YBX1: variants seen among roughly 807,000 people sequenced by gnomAD.
YBX1 encodes the protein Y-box binding protein 1, also known as Y-box-binding protein 1.
YBX1 carries 3 observed loss-of-function variants against 41.4 expected under a neutral mutation model. The observed-to-expected ratio is 0.07, with a 90% CI of 0.03 to 0.19. The LOEUF (loss-of-function observed/expected upper bound fraction) is 0.19. Among genes scored for constraint, YBX1 ranks in the 10% least tolerant of loss-of-function variants. The pLI is 1.00. For synonymous variants in YBX1, 133 were observed against 165.8 expected, an observed-to-expected ratio of 0.80 and a Z score of 1.52; for missense variants, 274 against 462.8, an observed-to-expected ratio of 0.59 and a Z score of 3.74.
At chr1:42,693,272 C>A (rs1449326412) in intron 2 of YBX1, among the ~76,000 whole-genome samples, 1 of 144,112 alleles carries the variant, frequency 6.9e-6, no homozygotes, top group Non-Finnish European at 1.5e-5. Flanking sequence ...ATTTCTTAGA[C>A]TTTTTTTTTT....
rs1415948552 is a variant in YBX1, at chr1:42,696,646, C to T, written c.359C>T (p.Ala120Val). ...AATATGTAATGGCTTTTGTAGGGTG[C>T]GGAGGCAGCAAATGTTACAGGTCCT... ...EFDVVEGEKGAEAANVTGPGG... is the reference protein window; with the variant it reads ...EFDVVEGEKGVEAANVTGPGG... Residue 120 changes from alanine (A) to valine (V), a missense_variant, in exon 5 of 8, where the codon GCG (alanine) becomes GTG (valine). By Grantham distance (64) the Ala-to-Val change is moderately conservative. Around this residue, in one of 3 missense-constraint regions of YBX1, gnomAD observed 187 missense variants for 306.3 expected, o/e 0.61. Transcript: ENST00000321358. This position sits in a 1 kb window ranked among gnomAD's most constrained non-coding sequence, Gnocchi z 5.7. 2 of 1,572,188 alleles carry T rather than the reference C, an allele frequency of 1.3e-6. No individual in the cohort carries two copies. The highest frequency in any genetic ancestry group is 1.7e-5 in the Admixed American group (1 of 57,492).
rs141494118 is a variant in YBX1, at chr1:42,699,154, A to G, written c.741-1627A>G. Among the ~76,000 whole-genome samples, 256 of 152,228 alleles carry G rather than the reference A, an allele frequency of 1.7e-3. 3 individuals are homozygous for G. The highest frequency in any genetic ancestry group is 4.6e-3 in the East Asian group (24 of 5,184). On this transcript the variant is annotated intron_variant, in intron 6 of 7. Coordinates refer to ENST00000321358, the MANE Select transcript of YBX1 (RefSeq NM_004559.5). ...CTGCTGGAACTGTTTTCTTTCTCAG[A>G]GAGGGTAGGGTTTTGCCCACAGGTG...
At chr1:42,687,664 T>G (rs1481099611) in intron 2 of YBX1, among the ~76,000 whole-genome samples, 2 of 151,744 alleles carry the variant, frequency 1.3e-5, no homozygotes, top group Non-Finnish European at 2.9e-5. Flanking sequence ...TGAAGTGGAG[T>G]CTCTCTGTGT....
chr1:42,703,340 A>G lies in YBX1; in HGVS notation c.*1391A>G, dbSNP rs1013907730. Among the ~76,000 whole-genome samples, 4 of 152,020 alleles carry G rather than the reference A, an allele frequency of 2.6e-5. No individual in the cohort carries two copies. The highest frequency in any genetic ancestry group is 4.4e-5 in the Non-Finnish European group (3 of 68,008). ...ACACTCCAGATCATCCTGGCCAGCT[A>G]TCAGGGCCCAGGGGAAGCAGACAGT... is the stretch of plus-strand genomic sequence containing the variant. On this transcript the variant is annotated 3_prime_UTR_variant, in exon 8 of 8. Transcript: ENST00000321358.
At chr1:42,698,582 G>A (rs1460766306) in intron 6 of YBX1, among the ~76,000 whole-genome samples, 1 of 152,144 alleles carries the variant, frequency 6.6e-6, no homozygotes, top group African/African-American at 2.4e-5. Context: ...TTTCATTGAT[G>A]TCCTTAAAAA....
rs766503042 is a variant in YBX1 at position 42,696,333 on chromosome 1, A to G, written c.354+45A>G. ...AAAGGTTTGACTTCAGTATGGAAAT[A>G]TTTTGGAGGTCTCATCCATTAGGAT... On this transcript the variant is annotated intron_variant, in intron 4 of 7. Coordinates refer to ENST00000321358, the MANE Select transcript of YBX1 (RefSeq NM_004559.5). This position sits in a 1 kb window ranked among gnomAD's most constrained non-coding sequence, Gnocchi z 5.7. The G allele has an allele frequency of 6.3e-7, 1 of 1,592,314 alleles. No homozygotes were observed. Among genetic ancestry groups the G allele is most frequent in the Non-Finnish European group, 8.6e-7 (1 of 1,164,116 alleles).
Position 42,682,784 on chromosome 1 carries a change from A to G in YBX1, c.166+53A>G, listed in dbSNP as rs1428271928. 5.2e-6 allele frequency: 6 copies of G among 1,148,296 alleles called. No homozygotes were observed. In the African/African-American group the frequency reaches 9.8e-5, roughly 19 times the overall value. The allele number at this position is 1,148,296 out of a possible 1,614,324, so 71.1% of individuals were successfully genotyped here. A position where few individuals can be genotyped will look rare whatever the true frequency, so the allele number is the denominator to read the frequency against. On this transcript the variant is annotated intron_variant, in intron 1 of 7. Transcript: ENST00000321358. ...GGCCCTCGGGCAGCCCAGCAGCGGA[A>G]CCGTTAGCCGGAGCTGGGCGAGCCG...
At chr1:42,694,346 T>C (rs980825175) in intron 3 of YBX1, among the ~76,000 whole-genome samples, 2 of 152,224 alleles carry the variant, frequency 1.3e-5, no homozygotes, top group African/African-American at 4.8e-5. Context: ...TGCTGTAGGC[T>C]ACATTGAATG....
intron 2 of YBX1, among the ~76,000 whole-genome samples, chr1:42,688,735 A>G (rs1376294401): frequency 6.6e-6 from 1 of 152,334 alleles, no homozygotes; most frequent in African/African-American, 2.4e-5. Flanking sequence ...AAGTCATGGC[A>G]TTGTAAGAAA....
intron 1 of YBX1, 127 bp from the exon 2 acceptor site, chr1:42,683,275 CG>C (rs1557527322): frequency 9.2e-7 from 1 of 1,084,690 alleles, no homozygotes; most frequent in Admixed American, 1.8e-5. Flanking sequence ...CGCACCCGGG[CG>C]GTGGAGAGAA....
Position 42,696,512 on chromosome 1 carries a change from C to A in YBX1, c.355-130C>A, listed in dbSNP as rs1031406880. ...GTGCACCCCTGGTCACGCAGTTGCGCCCCCCCCCCCTTTTTTTTCCTTAAC... is the reference window on the plus strand; with the variant it reads ...GTGCACCCCTGGTCACGCAGTTGCGACCCCCCCCCCTTTTTTTTCCTTAAC... On this transcript the variant is annotated intron_variant, in intron 4 of 7. Transcript: ENST00000321358. The surrounding 1 kb of genome is among the most constrained non-coding windows in gnomAD (Gnocchi z 5.7). 2 of 290,464 alleles carry A rather than the reference C, an allele frequency of 6.9e-6. No homozygotes were observed. Among genetic ancestry groups the A allele is most frequent in the African/African-American group, 6.6e-5 (1 of 15,122 alleles). The allele number at this position is 290,464 out of a possible 1,614,324, so 18.0% of individuals were successfully genotyped here.
intron 3 of YBX1, among the ~76,000 whole-genome samples, chr1:42,694,992 C>A (rs1650426072): frequency 6.6e-6 from 1 of 152,156 alleles, no homozygotes; most frequent in East Asian, 1.9e-4. Context: ...ATTCTGCTAT[C>A]CCCTATGACT....
chr1:42,698,308 A>G (rs2148741751), intron 6 of YBX1, among the ~76,000 whole-genome samples: 1 of 152,310 alleles, frequency 6.6e-6, no homozygotes, highest in South Asian at 2.1e-4. Flanking sequence ...TATTTTTTGT[A>G]TTAATATGTC....
intron 2 of YBX1, among the ~76,000 whole-genome samples, chr1:42,684,379 C>G (rs1179266038): frequency 6.6e-6 from 1 of 152,194 alleles, no homozygotes; most frequent in East Asian, 1.9e-4. Context: ...ACTGGGTATG[C>G]CAGTAGCAAT....
At position 42,696,055 on chromosome 1, in the gene YBX1, C is replaced by T. The variant is rs945168884; in HGVS notation, c.265-144C>T. ...TGGGGATAGTGTGGTCCCCGCTTTCCTAAATTTATTGATGGTTTGGTCTTA... is the reference window on the plus strand; with the variant it reads ...TGGGGATAGTGTGGTCCCCGCTTTCTTAAATTTATTGATGGTTTGGTCTTA... On this transcript the variant is annotated intron_variant, in intron 3 of 7. Transcript: ENST00000321358. This position sits in a 1 kb window ranked among gnomAD's most constrained non-coding sequence, Gnocchi z 5.7. 3.6e-5 allele frequency: 22 copies of T among 604,514 alleles called. No homozygotes were observed. In the Admixed American group the frequency reaches 5.9e-4, roughly 16 times the overall value. The allele number at this position is 604,514 out of a possible 1,614,324, so 37.4% of individuals were successfully genotyped here. A position where few individuals can be genotyped will look rare whatever the true frequency, so the allele number is the denominator to read the frequency against.
In YBX1 at chr1:42,682,469, C is replaced by A. The variant is rs2148733263; in HGVS notation, c.-97C>A. 3.8e-6 allele frequency: 5 copies of A among 1,300,724 alleles called. No homozygotes were observed. The highest frequency in any genetic ancestry group is 3.7e-5 in the South Asian group (2 of 54,068). 80.6% of individuals were successfully genotyped at this position (1,300,724 alleles called of 1,614,324 possible). ...GAGCGGAGAGCGGACCCCAGAGAGC[C>A]CTGAGCAGCCCCACCGCCGCCGCCG... On this transcript the variant is annotated 5_prime_UTR_variant, in exon 1 of 8. Coordinates refer to ENST00000321358, the MANE Select transcript of YBX1 (RefSeq NM_004559.5).
At chr1:42,686,904 C>T (rs772322587) in intron 2 of YBX1, among the ~76,000 whole-genome samples, 3 of 152,208 alleles carry the variant, frequency 2.0e-5, no homozygotes, top group South Asian at 2.1e-4. Flanking sequence ...TGTTCACCAA[C>T]TGCTCTTATG....
At chr1:42,683,951 G>A (rs1272485939) in intron 2 of YBX1, among the ~76,000 whole-genome samples, 7 of 152,006 alleles carry the variant, frequency 4.6e-5, no homozygotes, top group Admixed American at 4.6e-4. Flanking sequence ...TTTGTTTCAC[G>A]TTTCATTTTA....
chr1:42,701,887 C>T (rs1045365966), intron 7 of YBX1, 94 bp from the exon 8 acceptor site: 2 of 152,554 alleles, frequency 1.3e-5, no homozygotes, highest in African/African-American at 4.8e-5. Flanking sequence ...GTTAATGTCT[C>T]CCAATACACA....
Sources: gnomAD v4.1 joint callset for allele counts (sites outside exome capture counted in the v4.1 genomes callset) on GRCh38, gnomAD v4.1.1 for gene constraint, gnomAD v4.1.1 regional missense constraint, Gnocchi (gnomAD v3.1) non-coding constraint, MANE v1.5 for transcripts, NCBI Gene and HGNC (gene_info 2026-07-23, HGNC 2026-07-21) for gene names.